Variants in ZBBX observed in about 807,000 individuals in gnomAD.
The protein encoded by ZBBX is zinc finger B-box domain-containing protein 1.
In ZBBX, 101 loss-of-function variants were observed where a neutral mutation model predicts 108.5. That is an observed-to-expected ratio of 0.93 (90% CI 0.79 to 1.10). The LOEUF is 1.10. Ranked by LOEUF, ZBBX falls within the 50% of genes least tolerant of loss-of-function variation. ZBBX has a pLI of 0.00. For missense variants in ZBBX, 1,009 were observed against 941.4 expected (o/e 1.07, Z -0.94); for synonymous variants, 356 against 323.4 (o/e 1.10, Z -1.08).
chr3:167,181,724 A>G, the ZBBX span, among the ~76,000 whole-genome samples: 1 of 152,216 alleles, frequency 6.6e-6, no homozygotes, highest in East Asian at 1.9e-4. Context: ...TCCAGGGAAC[A>G]GAAGTAGATA....
rs186457457 is a variant in ZBBX at position 167,370,332 on chromosome 3, A to G, written c.69-1758T>C. Among the ~76,000 whole-genome samples the G allele has an allele frequency of 6.8e-3, 1,024 of 150,064 alleles. 7 individuals carry two copies. Among genetic ancestry groups the G allele is most frequent in the Non-Finnish European group, 0.011 (754 of 67,794 alleles). Reference sequence around the variant, plus strand: ...TAGAGAGGGAACAAGGAAGAAATCTAAAATAATCCCATGTTTCTTATTTGA... The same window carrying G: ...TAGAGAGGGAACAAGGAAGAAATCTGAAATAATCCCATGTTTCTTATTTGA... On this transcript the variant is annotated intron_variant, in intron 4 of 21. Transcript: ENST00000675490.
At chr3:167,291,955 G>A (rs999880528) in intron 18 of ZBBX, among the ~76,000 whole-genome samples, 13 of 152,052 alleles carry the variant, frequency 8.5e-5, no homozygotes, top group African/African-American at 2.9e-4. Context: ...CAAAAGAGAC[G>A]AAGAAGCCAT....
chr3:167,269,784 C>G (rs181369114), intron 20 of ZBBX, among the ~76,000 whole-genome samples: 1 of 152,150 alleles, frequency 6.6e-6, no homozygotes, highest in African/African-American at 2.4e-5. Flanking sequence ...AACTATTCAC[C>G]CTGTTGTCCC....
intron 16 of ZBBX, among the ~76,000 whole-genome samples, chr3:167,309,177 G>A (rs1734167287): frequency 1.3e-5 from 2 of 152,180 alleles, no homozygotes; most frequent in South Asian, 4.1e-4. Flanking sequence ...CAGTGCTTAT[G>A]GGGTAAATCT....
chr3:167,294,404 C>A (rs1731268624), intron 18 of ZBBX, among the ~76,000 whole-genome samples: 1 of 152,122 alleles, frequency 6.6e-6, no homozygotes, highest in African/African-American at 2.4e-5. Context: ...ACATCTATAG[C>A]CATCTGATCT....
chr3:167,297,518 A>T (rs1241517826), intron 18 of ZBBX, among the ~76,000 whole-genome samples: 4 of 152,020 alleles, frequency 2.6e-5, no homozygotes, highest in Non-Finnish European at 5.9e-5. Context: ...GAGCAGCCAC[A>T]AAAGTAGACA....
At chr3:167,334,120 T>C (rs1739141434) in intron 9 of ZBBX, 135 bp from the exon 10 acceptor site, 1 of 657,832 alleles carries the variant, frequency 1.5e-6, no homozygotes, top group East Asian at 3.1e-5. Context: ...AAAAGACAAA[T>C]TGGCATTTGT....
the ZBBX span, among the ~76,000 whole-genome samples, chr3:167,192,135 T>C: frequency 6.6e-6 from 1 of 151,866 alleles, no homozygotes; most frequent in African/African-American, 2.4e-5. Context: ...TAGTTATGAG[T>C]GGATTGCACA....
chr3:167,335,874 C>A (rs1739458775), intron 9 of ZBBX, among the ~76,000 whole-genome samples: 1 of 151,872 alleles, frequency 6.6e-6, no homozygotes, highest in Non-Finnish European at 1.5e-5. Context: ...CAATGATTCT[C>A]AGAAAACCTA....
At chr3:167,257,708 G>C (rs2108397257) in intron 20 of ZBBX, among the ~76,000 whole-genome samples, 1 of 152,076 alleles carries the variant, frequency 6.6e-6, no homozygotes, top group Non-Finnish European at 1.5e-5. Flanking sequence ...CTTTCAGGAG[G>C]TGGTATCACA....
At chr3:167,187,132 G>A in the ZBBX span, among the ~76,000 whole-genome samples, 15 of 151,966 alleles carry the variant, frequency 9.9e-5, no homozygotes, top group South Asian at 2.1e-4. Context: ...TATTTTGTTC[G>A]GTTTTGTTTA....
Position 167,360,677 on chromosome 3 carries a change from T to C in ZBBX, c.320A>G (p.Gln107Arg), listed in dbSNP as rs985552791. ...VKLKLLKEQI[Q>R]EPVKPTVNYK... is the part of the protein sequence containing the mutation. ...TAACATGGTGATAAATTATTTACCT[T>C]GAATCTGTTCCTTCAGCAATTTTAA... is the stretch of plus-strand genomic sequence containing the variant. The change falls in exon 7 of 22, where the codon CAA becomes CGA. Residue 107 changes from glutamine to arginine, a missense_variant and splice_region_variant. Transcript: ENST00000675490. 6 of 1,376,484 alleles carry C rather than the reference T, an allele frequency of 4.4e-6. No homozygotes were observed. Among genetic ancestry groups the C allele is most frequent in the Non-Finnish European group, 5.7e-6 (6 of 1,049,052 alleles). The allele number at this position is 1,376,484 out of a possible 1,614,324, so 85.3% of individuals were successfully genotyped here.
chr3:167,186,099 T>G, the ZBBX span, among the ~76,000 whole-genome samples: 1 of 151,734 alleles, frequency 6.6e-6, no homozygotes, highest in Non-Finnish European at 1.5e-5. Context: ...AATTGAAGCT[T>G]TAACAATTTT....
chr3:167,272,534 C>T (rs1033544901), intron 20 of ZBBX, among the ~76,000 whole-genome samples: 10 of 152,148 alleles, frequency 6.6e-5, no homozygotes, highest in African/African-American at 2.2e-4. Flanking sequence ...AAGTCATGGG[C>T]CATTATTCCA....
chr3:167,298,704 A>G (rs1732089246), intron 17 of ZBBX, among the ~76,000 whole-genome samples: 1 of 152,094 alleles, frequency 6.6e-6, no homozygotes, highest in Non-Finnish European at 1.5e-5. Flanking sequence ...ATGAAATAAA[A>G]TAAACTTTTT....
chr3:167,196,433 G>A, the ZBBX span, among the ~76,000 whole-genome samples: 1 of 152,130 alleles, frequency 6.6e-6, no homozygotes, highest in South Asian at 2.1e-4. Flanking sequence ...CATTAGAAAA[G>A]CTGCTTAGAC....
Position 167,242,642 on chromosome 3 carries a change from A to T in ZBBX, c.2256T>A (p.Asp752Glu). 6.2e-7 allele frequency: 1 copy of T among 1,609,656 alleles called. No individual in the cohort carries two copies. Among genetic ancestry groups the T allele is most frequent in the Non-Finnish European group, 8.5e-7 (1 of 1,178,566 alleles). ...TTAAGCTGTAAAGCTTTTCTGAAGT[A>T]TCTGAAATATTTTATTTCATGCATT... Reference protein sequence around the residue: ...KELQVLRSLADTSEKLYSLTS... With the variant: ...KELQVLRSLAETSEKLYSLTS... The change falls in exon 21 of 22, where the codon GAT (aspartate) becomes GAA (glutamate). Residue 752 changes from aspartate (D) to glutamate (E), a missense_variant and splice_region_variant. Physicochemically the swap from Asp to Glu is conservative, Grantham distance 45. Coordinates refer to ENST00000675490, the MANE Select transcript of ZBBX (RefSeq NM_001199201.2).
the ZBBX span, among the ~76,000 whole-genome samples, chr3:167,223,686 CA>C: frequency 3.3e-5 from 5 of 151,992 alleles, no homozygotes; most frequent in African/African-American, 1.2e-4. Context: ...AATGATTAGT[CA>C]ACTTGGAAAT....
the ZBBX span, among the ~76,000 whole-genome samples, chr3:167,210,595 T>G: frequency 6.6e-6 from 1 of 151,984 alleles, no homozygotes; most frequent in Non-Finnish European, 1.5e-5. Context: ...CAAAGAAGAC[T>G]ACGTCAAAAT....
Sources: allele counts gnomAD v4.1 joint callset (sites outside exome capture counted in the v4.1 genomes callset), GRCh38; gene constraint gnomAD v4.1.1; transcripts MANE v1.5; gene names NCBI Gene and HGNC (gene_info 2026-07-23, HGNC 2026-07-21).